NEGR1: variants seen among roughly 807,000 people sequenced by gnomAD.
The protein encoded by NEGR1 is neuronal growth regulator 1.
A neutral mutation model predicts 40.9 loss-of-function variants in NEGR1; 10 were observed. The ratio of observed to expected loss-of-function variants is 0.24; its 90% confidence interval spans 0.15 to 0.42. NEGR1 has a LOEUF of 0.42. Among genes scored for constraint, NEGR1 ranks in the 10% least tolerant of loss-of-function variants. NEGR1 has a pLI of 1.00. For synonymous variants in NEGR1, 185 were observed against 166.8 expected, an observed-to-expected ratio of 1.11 and a Z score of -0.84; for missense variants, 352 against 438.9, an observed-to-expected ratio of 0.80 and a Z score of 1.77.
chr1:71,948,496 T>TGAGAGA (rs200382559), intron 1 of NEGR1, among the ~76,000 whole-genome samples: 1 of 148,502 alleles, frequency 6.7e-6, no homozygotes, highest in African/African-American at 2.5e-5. Flanking sequence ...TGTGTGTGTG[T>TGAGAGA]GAGAGAGAGA....
intron 1 of NEGR1, among the ~76,000 whole-genome samples, chr1:72,261,688 C>G (rs967610335): frequency 1.3e-5 from 2 of 152,088 alleles, no homozygotes; most frequent in East Asian, 3.9e-4. Context: ...TACTCAGCCA[C>G]AGAAAGAATG....
intron 1 of NEGR1, among the ~76,000 whole-genome samples, chr1:72,059,892 T>C (rs1401464462): frequency 6.6e-6 from 1 of 151,680 alleles, no homozygotes; most frequent in Non-Finnish European, 1.5e-5. Context: ...AAGTAACATT[T>C]GGAAAACAAA....
At chr1:71,805,363 C>CT (rs2101753631) in intron 2 of NEGR1, among the ~76,000 whole-genome samples, 1 of 152,128 alleles carries the variant, frequency 6.6e-6, no homozygotes, top group East Asian at 1.9e-4. Context: ...TAAAAACTTG[C>CT]TGGTTTTACG....
At chr1:71,682,422 A>C (rs1041418398) in intron 4 of NEGR1, among the ~76,000 whole-genome samples, 20 of 152,090 alleles carry the variant, frequency 1.3e-4, no homozygotes, top group Non-Finnish European at 2.4e-4. Flanking sequence ...ATTCATGTCT[A>C]AGTGTTTTGT....
chr1:71,939,473 T>C (rs1410022813), intron 1 of NEGR1, among the ~76,000 whole-genome samples: 2 of 152,098 alleles, frequency 1.3e-5, no homozygotes, highest in Non-Finnish European at 2.9e-5. Flanking sequence ...AAAGGAATAA[T>C]ATGATAAAGT....
At chr1:71,458,605 GGTTGGGAT>G (rs1450536246) in intron 6 of NEGR1, among the ~76,000 whole-genome samples, 2 of 152,136 alleles carry the variant, frequency 1.3e-5, no homozygotes, top group East Asian at 3.9e-4. Flanking sequence ...GCATCTTGGA[GGTTGGGAT>G]TCCATCTCTA....
intron 5 of NEGR1, among the ~76,000 whole-genome samples, chr1:71,596,252 T>C (rs371453441): frequency 6.6e-6 from 1 of 152,180 alleles, no homozygotes; most frequent in African/African-American, 2.4e-5. Flanking sequence ...CTGACACCAA[T>C]AGAAGTTTGC....
intron 1 of NEGR1, among the ~76,000 whole-genome samples, chr1:72,280,958 T>G (rs1656220727): frequency 6.6e-6 from 1 of 151,976 alleles, no homozygotes; most frequent in African/African-American, 2.4e-5. Flanking sequence ...GGGAGGGTGA[T>G]GGGAAAGAAA....
At chr1:71,546,955 G>A (rs1380747970) in intron 6 of NEGR1, among the ~76,000 whole-genome samples, 3 of 151,634 alleles carry the variant, frequency 2.0e-5, no homozygotes, top group Non-Finnish European at 3.0e-5. Context: ...CAATCAGGCC[G>A]CAAATTTAGA....
At chr1:72,167,518 A>C (rs1651811277) in intron 1 of NEGR1, among the ~76,000 whole-genome samples, 1 of 152,274 alleles carries the variant, frequency 6.6e-6, no homozygotes, top group African/African-American at 2.4e-5. Flanking sequence ...ATAGTGTTAT[A>C]TAACATATGA....
chr1:71,630,427 A>C (rs1650935008), intron 4 of NEGR1, among the ~76,000 whole-genome samples: 1 of 151,918 alleles, frequency 6.6e-6, no homozygotes, highest in Non-Finnish European at 1.5e-5. Flanking sequence ...TAAAAAATAG[A>C]AATTTGTAGA....
intron 6 of NEGR1, among the ~76,000 whole-genome samples, chr1:71,580,718 T>C (rs1649109441): frequency 6.6e-6 from 1 of 152,132 alleles, no homozygotes; most frequent in South Asian, 2.1e-4. Flanking sequence ...CCAGGCACTT[T>C]ATGTCTATCT....
intron 1 of NEGR1, among the ~76,000 whole-genome samples, chr1:72,148,391 G>C (rs961764284): frequency 3.9e-5 from 6 of 152,108 alleles, no homozygotes; most frequent in African/African-American, 1.4e-4. Context: ...CTGGGACCTA[G>C]GGGTCTAAGT....
At chr1:71,580,178 A>C (rs1464561549) in intron 6 of NEGR1, among the ~76,000 whole-genome samples, 1 of 152,046 alleles carries the variant, frequency 6.6e-6, no homozygotes, top group Non-Finnish European at 1.5e-5. Flanking sequence ...GAAATTGGAA[A>C]TCATCATTCT....
At chr1:71,572,401 C>A (rs764957448) in intron 6 of NEGR1, among the ~76,000 whole-genome samples, 3 of 152,216 alleles carry the variant, frequency 2.0e-5, no homozygotes, top group Admixed American at 6.5e-5. Flanking sequence ...GCTTCTATTT[C>A]TAAAGTGAGC....
chr1:71,646,749 C>G (rs772437968), intron 4 of NEGR1, among the ~76,000 whole-genome samples: 50 of 151,924 alleles, frequency 3.3e-4, no homozygotes, highest in African/African-American at 1.2e-3. Flanking sequence ...AGAGAGAAAA[C>G]TGATCTTTTT....
chr1:71,858,392 G>C (rs539374915), intron 2 of NEGR1, among the ~76,000 whole-genome samples: 112 of 152,136 alleles, frequency 7.4e-4, no homozygotes, highest in African/African-American at 2.6e-3. Context: ...ACAGAGCAAT[G>C]CATTTGTGTA....
At chr1:72,140,035 T>A (rs1406237067) in intron 1 of NEGR1, among the ~76,000 whole-genome samples, 4 of 152,036 alleles carry the variant, frequency 2.6e-5, no homozygotes, top group Non-Finnish European at 4.4e-5. Context: ...CCATATCCAA[T>A]CATAAAAGAT....
rs566788705 is a variant in NEGR1, at chr1:71,878,731, A to G, written c.409+56348T>C. 1.4e-4 allele frequency among the ~76,000 whole-genome samples: 22 copies of G among 152,274 alleles called. 1 individual carries two copies. Among genetic ancestry groups the G allele is most frequent in the African/African-American group, 4.8e-4 (20 of 41,560 alleles). On this transcript the variant is annotated intron_variant, in intron 2 of 6. Transcript: ENST00000357731. ...TCTACAAAGTCAACAAGTATTTAAAATATTTGTTATGCACCTATGTGTCAT... is the reference window on the plus strand; with the variant it reads ...TCTACAAAGTCAACAAGTATTTAAAGTATTTGTTATGCACCTATGTGTCAT...
Sources: allele counts gnomAD v4.1 joint callset (sites outside exome capture counted in the v4.1 genomes callset), GRCh38; gene constraint gnomAD v4.1.1; transcripts MANE v1.5; gene names NCBI Gene and HGNC (gene_info 2026-07-23, HGNC 2026-07-21).